Variants in CAMK2A observed in about 807,000 individuals in gnomAD.
CAMK2A encodes calcium/calmodulin-dependent protein kinase type II subunit alpha.
A neutral mutation model predicts 79.2 loss-of-function variants in CAMK2A; 7 were observed. The ratio of observed to expected loss-of-function variants is 0.09; its 90% CI spans 0.05 to 0.17. CAMK2A has a LOEUF of 0.17. CAMK2A is among the 10% of genes least tolerant of loss of function. The probability of loss-of-function intolerance (pLI) is 1.00; values close to 1 mark genes in which losing one functional copy is unlikely to be tolerated. For missense variants in CAMK2A, 214 were observed against 646.4 expected (o/e 0.33, Z 7.25); for synonymous variants, 242 against 251.7 (o/e 0.96, Z 0.36).
Position 150,223,109 on chromosome 5 carries a change from A to C in CAMK2A, c.1346T>G (p.Leu449Arg). The C allele has an allele frequency of 6.2e-7, 1 of 1,614,170 alleles. No individual in the cohort carries two copies. The highest frequency in any genetic ancestry group is 8.5e-7 in the Non-Finnish European group (1 of 1,180,040). ...GGTGCGTGGGATGCCGCCAGCGTCC[A>C]GGTACTGCGTGATGCGGATGTAGGC... ...CIAYIRITQYLDAGGIPRTAQ... is the reference protein window; with the variant it reads ...CIAYIRITQYRDAGGIPRTAQ... The change falls in exon 18 of 19, where the codon CTG (leucine) becomes CGG (arginine). Residue 449 changes from leucine (L) to arginine (R), a missense_variant. This residue lies in a region of CAMK2A where 123 missense variants were observed against 242.4 expected (regional missense o/e 0.51). Coordinates refer to ENST00000671881, the MANE Select transcript of CAMK2A (RefSeq NM_015981.4). The surrounding 1 kb of genome is among the most constrained non-coding windows in gnomAD (Gnocchi z 4.1).
intron 1 of CAMK2A, among the ~76,000 whole-genome samples, chr5:150,285,324 G>C (rs372991790): frequency 6.6e-6 from 1 of 152,198 alleles, no homozygotes; most frequent in Non-Finnish European, 1.5e-5. Context: ...TGGATGAAAA[G>C]CCTTGCCGGC....
chr5:150,243,724 C>T (rs201320445), intron 13 of CAMK2A, among the ~76,000 whole-genome samples: 8 of 152,180 alleles, frequency 5.3e-5, no homozygotes, highest in Non-Finnish European at 7.3e-5. Flanking sequence ...GCTCTCAGGG[C>T]GCATTGTATT....
chr5:150,251,652 G>A lies in CAMK2A; in HGVS notation c.693+98C>T, dbSNP rs2150280384. The A allele has an allele frequency of 4.5e-6, 4 of 884,726 alleles. No homozygotes were observed. The East Asian group carries it at 8.1e-5, about 18-fold the overall frequency. The allele number at this position is 884,726 out of a possible 1,614,324, so 54.8% of individuals were successfully genotyped here. A position where few individuals can be genotyped will look rare whatever the true frequency, so the allele number is the denominator to read the frequency against. ...TGGTCAGTCTTCATGCTCCCCTGGGGTTCACCCCTGTGCCAGAACTAGAGA... is the reference window on the plus strand; with the variant it reads ...TGGTCAGTCTTCATGCTCCCCTGGGATTCACCCCTGTGCCAGAACTAGAGA... On this transcript the variant is annotated intron_variant, in intron 9 of 18. Transcript: ENST00000671881.
chr5:150,251,879 T>A (rs750489815), intron 8 of CAMK2A, 35 bp from the exon 9 acceptor site: 3 of 1,566,042 alleles, frequency 1.9e-6, no homozygotes, highest in Non-Finnish European at 2.6e-6. Flanking sequence ...CAACCCCCTG[T>A]GGGGAGGAGA....
At chr5:150,283,026 A>C (rs1562206046) in intron 1 of CAMK2A, among the ~76,000 whole-genome samples, 1 of 152,206 alleles carries the variant, frequency 6.6e-6, no homozygotes, top group Non-Finnish European at 1.5e-5. Flanking sequence ...TGCAGACATA[A>C]GATGTTGGGG....
At chr5:150,249,287 A>G (rs1755721242) in intron 11 of CAMK2A, among the ~76,000 whole-genome samples, 1 of 152,250 alleles carries the variant, frequency 6.6e-6, no homozygotes, top group South Asian at 2.1e-4. Flanking sequence ...AGAACCTGCA[A>G]GAGTGTGAAG....
chr5:150,263,407 C>T (rs533426747), intron 3 of CAMK2A, among the ~76,000 whole-genome samples: 7 of 151,800 alleles, frequency 4.6e-5, no homozygotes, highest in African/African-American at 1.4e-4. Context: ...CACACACTTA[C>T]ACAGACTCAC....
intron 3 of CAMK2A, among the ~76,000 whole-genome samples, chr5:150,263,313 T>G (rs375800958): frequency 2.6e-5 from 4 of 152,056 alleles, no homozygotes; most frequent in African/African-American, 9.7e-5. Flanking sequence ...TGACCTGAGA[T>G]AGCTGCAGTT....
chr5:150,265,103 A>C (rs1580937971), intron 2 of CAMK2A, 88 bp from the exon 3 acceptor site: 43 of 995,416 alleles, frequency 4.3e-5, no homozygotes, highest in Non-Finnish European at 6.2e-5. Context: ...TATTATCTCC[A>C]CCTCCCAGGG....
In CAMK2A at chr5:150,256,536, C is replaced by G. The variant is rs767695606; in HGVS notation, c.411+37G>C. On this transcript the variant is annotated intron_variant, in intron 6 of 18. Coordinates refer to ENST00000671881, the MANE Select transcript of CAMK2A (RefSeq NM_015981.4). This position sits in a 1 kb window ranked among gnomAD's most constrained non-coding sequence, Gnocchi z 4.6. ...TAGGGACGTGCAGAGGAGAGAGGGG[C>G]TCCCGGGGTGAGCCACACCCACGGT... is the stretch of plus-strand genomic sequence containing the variant. 6.7e-7 allele frequency: 1 copy of G among 1,494,816 alleles called. No homozygotes were observed. The highest frequency in any genetic ancestry group is 1.7e-5 in the Admixed American group (1 of 59,620). The allele number at this position is 1,494,816 out of a possible 1,614,324, so 92.6% of individuals were successfully genotyped here.
At chr5:150,289,272 G>A (rs1757562422) in intron 1 of CAMK2A, among the ~76,000 whole-genome samples, 1 of 152,200 alleles carries the variant, frequency 6.6e-6, no homozygotes, top group African/African-American at 2.4e-5. Flanking sequence ...TATCCAGGTT[G>A]TGTGTACTTG....
chr5:150,242,343 G>A (rs1755384106), intron 13 of CAMK2A, among the ~76,000 whole-genome samples: 1 of 152,162 alleles, frequency 6.6e-6, no homozygotes, highest in South Asian at 2.1e-4. Flanking sequence ...TGGTTCTAAG[G>A]TTAGCAAGGA....
At chr5:150,250,366 C>A (rs1755778712) in intron 10 of CAMK2A, 57 bp from the exon 11 acceptor site, 3 of 1,394,912 alleles carry the variant, frequency 2.2e-6, no homozygotes, top group Non-Finnish European at 3.1e-6. Flanking sequence ...GACAGGCCCA[C>A]CCAAGGGTAC....
chr5:150,272,924 A>G (rs966457035), intron 2 of CAMK2A, 141 bp downstream of exon 2: 12 of 667,348 alleles, frequency 1.8e-5, no homozygotes, highest in African/African-American at 1.6e-4. Context: ...TTCTCATGAC[A>G]CCCCGGGAAG....
At chr5:150,237,414 C>T (rs958527928) in intron 15 of CAMK2A, among the ~76,000 whole-genome samples, 1 of 152,082 alleles carries the variant, frequency 6.6e-6, no homozygotes, top group Non-Finnish European at 1.5e-5. Context: ...CTGCTACACA[C>T]CTGAGTGTGT....
chr5:150,250,595 C>T (rs1755788447), intron 10 of CAMK2A, 93 bp downstream of exon 10: 1 of 1,535,112 alleles, frequency 6.5e-7, no homozygotes, highest in Admixed American at 1.8e-5. Context: ...CCTCTTGGCC[C>T]CATGGGCCAG....
At chr5:150,247,680 A>G (rs1325878982) in intron 12 of CAMK2A, 92 bp downstream of exon 12, 21 of 1,007,286 alleles carry the variant, frequency 2.1e-5, no homozygotes, top group Non-Finnish European at 2.9e-5. Context: ...CCCCAGGCCC[A>G]GTGGCCTGGG....
At chr5:150,222,854 C>T (rs1754386150) in intron 18 of CAMK2A, 135 bp downstream of exon 18, 2 of 1,384,118 alleles carry the variant, frequency 1.4e-6, no homozygotes, top group South Asian at 1.2e-5. Context: ...AGGCCTGGCC[C>T]CCTTCTTGGG....
At chr5:150,282,323 C>A (rs1006156551) in intron 1 of CAMK2A, among the ~76,000 whole-genome samples, 2 of 152,232 alleles carry the variant, frequency 1.3e-5, no homozygotes, top group Admixed American at 6.5e-5. Context: ...GAAGTTCCAA[C>A]ATATTCCTTG....
Sources: allele counts gnomAD v4.1 joint callset (sites outside exome capture counted in the v4.1 genomes callset), GRCh38; gene constraint gnomAD v4.1.1; regional missense constraint gnomAD v4.1.1; non-coding constraint Gnocchi (gnomAD v3.1); transcripts MANE v1.5; gene names NCBI Gene and HGNC (gene_info 2026-07-23, HGNC 2026-07-21).